GALNTL6: variants seen among roughly 807,000 people sequenced by gnomAD.
GALNTL6 encodes the protein polypeptide N-acetylgalactosaminyltransferase-like 6.
GALNTL6 carries 46 observed loss-of-function variants against 73.7 expected under a neutral mutation model. The ratio of observed to expected loss-of-function variants is 0.62; its 90% CI spans 0.49 to 0.80. GALNTL6 has a LOEUF of 0.80. Ranked by LOEUF, GALNTL6 falls within the 30% of genes least tolerant of loss-of-function variation. GALNTL6 has a pLI of 0.00. For missense variants in GALNTL6, 604 were observed against 755.0 expected, an observed-to-expected ratio of 0.80 and a Z score of 2.34; for synonymous variants, 259 against 263.7, an observed-to-expected ratio of 0.98 and a Z score of 0.17.
At chr4:173,020,002 T>C (rs976642385) in intron 11 of GALNTL6, among the ~76,000 whole-genome samples, 1 of 152,160 alleles carries the variant, frequency 6.6e-6, no homozygotes, top group African/African-American at 2.4e-5. Flanking sequence ...ATCCACAGGG[T>C]TTCCCTGACA....
At chr4:172,062,853 C>A (rs987929614) in intron 2 of GALNTL6, among the ~76,000 whole-genome samples, 1 of 152,194 alleles carries the variant, frequency 6.6e-6, no homozygotes, top group African/African-American at 2.4e-5. Context: ...CCCTTCCCTG[C>A]CTGGCATCAT....
intron 5 of GALNTL6, among the ~76,000 whole-genome samples, chr4:172,614,200 TTC>T (rs1232139506): frequency 2.6e-5 from 4 of 152,238 alleles, no homozygotes; most frequent in African/African-American, 9.6e-5. Flanking sequence ...CGCTCTTGTG[TTC>T]TGTTTATGTA....
intron 5 of GALNTL6, among the ~76,000 whole-genome samples, chr4:172,665,815 A>G (rs1731630171): frequency 6.6e-6 from 1 of 152,126 alleles, no homozygotes; most frequent in African/African-American, 2.4e-5. Flanking sequence ...TCATTCTACT[A>G]ATGATTTTTG....
intron 2 of GALNTL6, among the ~76,000 whole-genome samples, chr4:172,199,793 G>A (rs1735897699): frequency 6.6e-6 from 1 of 152,050 alleles, no homozygotes; most frequent in Non-Finnish European, 1.5e-5. Context: ...GTTTTAAATA[G>A]TGGGAAAGTC....
intron 5 of GALNTL6, among the ~76,000 whole-genome samples, chr4:172,538,854 G>A (rs1366405107): frequency 1.3e-5 from 2 of 152,116 alleles, no homozygotes; most frequent in African/African-American, 2.4e-5. Flanking sequence ...CAGAGATATC[G>A]TTATATGAAC....
At chr4:172,594,240 G>T (rs2111007221) in intron 5 of GALNTL6, among the ~76,000 whole-genome samples, 1 of 152,170 alleles carries the variant, frequency 6.6e-6, no homozygotes, top group South Asian at 2.1e-4. Context: ...CAGCTACTCG[G>T]GAGGCTGAGG....
chr4:171,967,453 T>TGTTTTTTGG, intron 2 of GALNTL6, among the ~76,000 whole-genome samples: 1 of 141,380 alleles, frequency 7.1e-6, no homozygotes, highest in African/African-American at 2.9e-5. Flanking sequence ...ATGGGTTTTT[T>TGTTTTTTGG]TTTTTTTTTT....
At chr4:172,593,008 A>G (rs1560825726) in intron 5 of GALNTL6, among the ~76,000 whole-genome samples, 1 of 152,134 alleles carries the variant, frequency 6.6e-6, no homozygotes. Flanking sequence ...TAATTAAAAT[A>G]ATACTCATTA....
chr4:172,495,332 G>T (rs1050133758), intron 5 of GALNTL6, among the ~76,000 whole-genome samples: 7 of 150,812 alleles, frequency 4.6e-5, no homozygotes, highest in Admixed American at 1.3e-4. Flanking sequence ...ACTTGGCAAA[G>T]ATGAGAAGGT....
chr4:172,558,706 C>T (rs1416896504), intron 5 of GALNTL6, among the ~76,000 whole-genome samples: 1 of 151,986 alleles, frequency 6.6e-6, no homozygotes, highest in East Asian at 1.9e-4. Flanking sequence ...GGAGTATATG[C>T]TTGTCAAAAC....
intron 2 of GALNTL6, among the ~76,000 whole-genome samples, chr4:171,851,737 C>CT (rs1462971233): frequency 6.6e-6 from 1 of 152,172 alleles, no homozygotes; most frequent in Admixed American, 6.5e-5. Flanking sequence ...CAGGCTGACT[C>CT]TGAGTTTTAT....
intron 4 of GALNTL6, among the ~76,000 whole-genome samples, chr4:172,346,287 G>C (rs1053643458): frequency 2.6e-5 from 4 of 152,200 alleles, no homozygotes; most frequent in Non-Finnish European, 5.9e-5. Flanking sequence ...TCGTTTTGAC[G>C]TCTCAACAGT....
chr4:172,825,205 T>C (rs1173142679), intron 7 of GALNTL6, among the ~76,000 whole-genome samples: 35 of 151,782 alleles, frequency 2.3e-4, no homozygotes, highest in Admixed American at 2.3e-3. Context: ...GAAAGAAATG[T>C]CTGTTTTTGT....
In GALNTL6 at chr4:172,049,768, G is replaced by A. The variant is rs142358691; in HGVS notation, c.139-179888G>A. Reference sequence around the variant, plus strand: ...GGAGGCCAAGGCAGGTGGATCACCTGAGGTCAGGAGTTTGAGACCAACTTG... The same window carrying A: ...GGAGGCCAAGGCAGGTGGATCACCTAAGGTCAGGAGTTTGAGACCAACTTG... On this transcript the variant is annotated intron_variant, in intron 2 of 12. Transcript: ENST00000506823. Among the ~76,000 whole-genome samples, 1,055 of 152,238 alleles carry A rather than the reference G, an allele frequency of 6.9e-3. 6 individuals carry two copies. Among genetic ancestry groups the A allele is most frequent in the African/African-American group, 0.019 (777 of 41,552 alleles).
rs1171254204 is a variant in GALNTL6, at chr4:172,695,337, T to C, written c.554-114024T>C. Among the ~76,000 whole-genome samples the C allele has an allele frequency of 2.6e-5, 4 of 152,272 alleles. No homozygotes were observed. In the East Asian group the frequency reaches 7.7e-4, roughly 29 times the overall value. ...TAACTGATTCATTCATTTGATTCAT[T>C]CTTTTGTGTAACTGATTCATTCATT... On this transcript the variant is annotated intron_variant, in intron 5 of 12. Transcript: ENST00000506823.
chr4:172,412,632 A>G (rs1744489483), intron 5 of GALNTL6, among the ~76,000 whole-genome samples: 1 of 152,180 alleles, frequency 6.6e-6, no homozygotes, highest in African/African-American at 2.4e-5. Context: ...AAATGAAATC[A>G]TAGATGGGCA....
At chr4:172,859,428 C>A (rs929542059) in intron 7 of GALNTL6, among the ~76,000 whole-genome samples, 1 of 152,016 alleles carries the variant, frequency 6.6e-6, no homozygotes, top group African/African-American at 2.4e-5. Context: ...GTATAAGAAG[C>A]CCATAGAGAT....
intron 5 of GALNTL6, among the ~76,000 whole-genome samples, chr4:172,512,211 A>G (rs1311792202): frequency 3.7e-5 from 2 of 53,972 alleles, no homozygotes; most frequent in African/African-American, 9.3e-5. Context: ...TCTTTTTTTT[A>G]CTGTTGGTGC....
chr4:171,955,985 GTTAC>G (rs1481236640), intron 2 of GALNTL6, among the ~76,000 whole-genome samples: 13 of 143,660 alleles, frequency 9.0e-5, no homozygotes, highest in African/African-American at 3.4e-4. Flanking sequence ...ATAAATATTT[GTTAC>G]TTACTAATTT....
Sources: allele counts gnomAD v4.1 joint callset (sites outside exome capture counted in the v4.1 genomes callset), GRCh38; gene constraint gnomAD v4.1.1; transcripts MANE v1.5; gene names NCBI Gene and HGNC (gene_info 2026-07-23, HGNC 2026-07-21).